The following FOXN3 variants were observed in gnomAD, a reference collection of about 807,000 sequenced individuals.
FOXN3 encodes forkhead box protein N3.
A neutral mutation model predicts 38.4 loss-of-function variants in FOXN3; 7 were observed. That is an observed-to-expected ratio of 0.18 (90% CI 0.10 to 0.34). The LOEUF is 0.34. Ranked by LOEUF, FOXN3 falls within the 10% of genes least tolerant of loss-of-function variation. The probability of loss-of-function intolerance (pLI) is 1.00; values close to 1 mark genes in which losing one functional copy is unlikely to be tolerated. For missense variants in FOXN3, 456 were observed against 613.4 expected, an observed-to-expected ratio of 0.74 and a Z score of 2.71; for synonymous variants, 230 against 242.2, an observed-to-expected ratio of 0.95 and a Z score of 0.47.
At chr14:89,480,063 C>T (rs1041671163) in intron 1 of FOXN3, among the ~76,000 whole-genome samples, 1 of 152,148 alleles carries the variant, frequency 6.6e-6, no homozygotes, top group African/African-American at 2.4e-5. Flanking sequence ...GTTGTAAGCA[C>T]CCTACTGGGG....
At chr14:89,543,544 G>C (rs146213905) in intron 1 of FOXN3, among the ~76,000 whole-genome samples, 1 of 152,138 alleles carries the variant, frequency 6.6e-6, no homozygotes, top group South Asian at 2.1e-4. Flanking sequence ...AATAGATTCC[G>C]CCTCGACTAA....
At chr14:89,510,672 G>T (rs1894038711) in intron 1 of FOXN3, among the ~76,000 whole-genome samples, 1 of 152,182 alleles carries the variant, frequency 6.6e-6, no homozygotes, top group African/African-American at 2.4e-5. Flanking sequence ...ACTAGGCACG[G>T]TGGCTCACAC....
chr14:89,525,294 TG>T (rs59209049), intron 1 of FOXN3, among the ~76,000 whole-genome samples: 40,703 of 152,024 alleles, frequency 0.27, 6,346 homozygotes, highest in Non-Finnish European at 0.35. Flanking sequence ...AAAACCAAGA[TG>T]GCCACCAAAG....
At chr14:89,505,326 C>G (rs1423604092) in intron 1 of FOXN3, among the ~76,000 whole-genome samples, 2 of 149,900 alleles carry the variant, frequency 1.3e-5, no homozygotes, top group Non-Finnish European at 3.0e-5. Context: ...TGATGCCGAG[C>G]CGAGGCTGGA....
rs1025615298 is a variant in FOXN3, at chr14:89,412,772, G to A, written c.-14-282C>T. 1.3e-5 allele frequency among the ~76,000 whole-genome samples: 2 copies of A among 152,190 alleles called. No individual in the cohort carries two copies. Among genetic ancestry groups the A allele is most frequent in the South Asian group, 4.1e-4 (2 of 4,828 alleles). On this transcript the variant is annotated intron_variant, in intron 1 of 5. Coordinates refer to ENST00000557258, the MANE Select transcript of FOXN3 (RefSeq NM_005197.4). The surrounding 1 kb of genome is among the most constrained non-coding windows in gnomAD (Gnocchi z 4.7). ...ACACCGGCCAGGCACGGTGGCTCAC[G>A]CCTGTAATCCCAGCACTTTGGGAGG...
At chr14:89,189,214 T>A (rs974815354) in intron 4 of FOXN3, among the ~76,000 whole-genome samples, 3 of 152,160 alleles carry the variant, frequency 2.0e-5, no homozygotes, top group African/African-American at 7.2e-5. Flanking sequence ...CTATGACGGA[T>A]GGCCTGGAAC....
At chr14:89,210,246 T>G (rs147854782) in intron 4 of FOXN3, among the ~76,000 whole-genome samples, 27 of 152,324 alleles carry the variant, frequency 1.8e-4, no homozygotes, top group Non-Finnish European at 3.7e-4. Context: ...GCTCTTGCAA[T>G]GGAGTTCTCA....
intron 1 of FOXN3, among the ~76,000 whole-genome samples, chr14:89,476,144 T>C (rs979537915): frequency 6.6e-6 from 1 of 152,198 alleles, no homozygotes; most frequent in Non-Finnish European, 1.5e-5. Context: ...GATGTTTGCA[T>C]GTCACAAACA....
At chr14:89,611,612 C>T (rs1896391711) in intron 1 of FOXN3, among the ~76,000 whole-genome samples, 1 of 152,084 alleles carries the variant, frequency 6.6e-6, no homozygotes, top group Non-Finnish European at 1.5e-5. Flanking sequence ...CGAGACCATC[C>T]TGGTTAACAC....
intron 1 of FOXN3, among the ~76,000 whole-genome samples, chr14:89,556,557 C>A (rs2139872135): frequency 6.6e-6 from 1 of 152,140 alleles, no homozygotes; most frequent in African/African-American, 2.4e-5. Flanking sequence ...CTTGGACAGG[C>A]CTTCTAATAC....
chr14:89,338,556 G>A (rs1417600337), intron 3 of FOXN3, among the ~76,000 whole-genome samples: 1 of 152,226 alleles, frequency 6.6e-6, no homozygotes. Context: ...CACTTTGGGA[G>A]GCCGAAGTGG....
intron 1 of FOXN3, among the ~76,000 whole-genome samples, chr14:89,476,279 T>A (rs919564907): frequency 1.1e-4 from 17 of 152,180 alleles, no homozygotes; most frequent in African/African-American, 3.9e-4. Flanking sequence ...CACCGTGAGC[T>A]GATACATCTA....
intron 4 of FOXN3, among the ~76,000 whole-genome samples, chr14:89,276,547 C>A (rs935133035): frequency 2.0e-5 from 3 of 152,160 alleles, no homozygotes; most frequent in African/African-American, 7.2e-5. Flanking sequence ...GGCCAAGCAG[C>A]CTTTTCCAAG....
At chr14:89,290,829 C>A in intron 3 of FOXN3, 1 of 266,678 alleles carries the variant, frequency 3.7e-6, no homozygotes, top group East Asian at 1.1e-4. Flanking sequence ...CTGGTTAAAC[C>A]GGGCAAATAA....
intron 4 of FOXN3, among the ~76,000 whole-genome samples, chr14:89,267,857 T>C (rs1271058563): frequency 6.6e-6 from 1 of 152,180 alleles, no homozygotes; most frequent in Non-Finnish European, 1.5e-5. Context: ...TTCTTCTCTA[T>C]ATAAGGCCAT....
chr14:89,487,341 G>A (rs1043583598), intron 1 of FOXN3, among the ~76,000 whole-genome samples: 40 of 152,304 alleles, frequency 2.6e-4, no homozygotes, highest in African/African-American at 9.1e-4. Flanking sequence ...TAGCCTACGC[G>A]CTGTAGTCTG....
chr14:89,404,504 C>CAAAAAAAAA (rs71130075), intron 2 of FOXN3, among the ~76,000 whole-genome samples: 5 of 61,036 alleles, frequency 8.2e-5, no homozygotes, highest in African/African-American at 2.5e-4. Flanking sequence ...GACTCTGTCT[C>CAAAAAAAAA]AAAAAAAAAA....
chr14:89,218,884 T>C (rs1164957554), intron 4 of FOXN3, among the ~76,000 whole-genome samples: 2 of 152,232 alleles, frequency 1.3e-5, no homozygotes. Flanking sequence ...GGAACCAACG[T>C]AGGAAGCCTT....
At chr14:89,521,358 TAG>T (rs199686142) in intron 1 of FOXN3, among the ~76,000 whole-genome samples, 13,654 of 124,526 alleles carry the variant, frequency 0.11, 712 homozygotes, top group Middle Eastern at 0.21. Flanking sequence ...AGATGATAGA[TAG>T]AGAGAGAGAG....
Sources: gnomAD v4.1 joint callset for allele counts (sites outside exome capture counted in the v4.1 genomes callset) on GRCh38, gnomAD v4.1.1 for gene constraint, Gnocchi (gnomAD v3.1) non-coding constraint, MANE v1.5 for transcripts, NCBI Gene and HGNC (gene_info 2026-07-23, HGNC 2026-07-21) for gene names.